MYO1D: variants seen among roughly 807,000 people sequenced by gnomAD.
MYO1D encodes unconventional myosin-Id.
In MYO1D, 83 loss-of-function variants were observed where a neutral mutation model predicts 122.0. The ratio of observed to expected loss-of-function variants is 0.68; its 90% CI spans 0.57 to 0.82. The LOEUF is 0.82. Ranked by LOEUF, MYO1D falls within the 40% of genes least tolerant of loss-of-function variation. MYO1D has a pLI of 0.00. For missense variants in MYO1D, 1,157 were observed against 1,269.5 expected (o/e 0.91, Z 1.35); for synonymous variants, 464 against 446.9 (o/e 1.04, Z -0.48).
At chr17:32,623,529 T>C (rs552088632) in intron 20 of MYO1D, among the ~76,000 whole-genome samples, 34 of 152,338 alleles carry the variant, frequency 2.2e-4, no homozygotes, top group Middle Eastern at 6.8e-3. Flanking sequence ...GATTTCTTTA[T>C]CTTATACTAC....
At chr17:32,669,735 A>G (rs150218851) in intron 16 of MYO1D, among the ~76,000 whole-genome samples, 1 of 152,336 alleles carries the variant, frequency 6.6e-6, no homozygotes, top group Non-Finnish European at 1.5e-5. Flanking sequence ...CAAATAAGAT[A>G]AAGAGTAATT....
chr17:32,762,674 G>A (rs1482690508), intron 8 of MYO1D, among the ~76,000 whole-genome samples: 1 of 152,094 alleles, frequency 6.6e-6, no homozygotes, highest in Non-Finnish European at 1.5e-5. Flanking sequence ...AGGAGTTTGA[G>A]ACCAGCCTGG....
intron 1 of MYO1D, among the ~76,000 whole-genome samples, chr17:32,853,540 A>G (rs1265412599): frequency 6.6e-6 from 1 of 152,194 alleles, no homozygotes; most frequent in Non-Finnish European, 1.5e-5. Context: ...GGGGCATGCC[A>G]TCCATATCTC....
At chr17:32,718,217 G>A (rs1431104390) in intron 15 of MYO1D, among the ~76,000 whole-genome samples, 3 of 152,060 alleles carry the variant, frequency 2.0e-5, no homozygotes, top group Non-Finnish European at 2.9e-5. Flanking sequence ...TCTGACAAAC[G>A]TGTATACTCA....
chr17:32,754,654 G>A (rs530591190), intron 11 of MYO1D, among the ~76,000 whole-genome samples: 2 of 152,324 alleles, frequency 1.3e-5, no homozygotes, highest in South Asian at 2.1e-4. Flanking sequence ...ATGGAACTCT[G>A]GAGAGGCAGA....
In MYO1D at chr17:32,637,611, C is replaced by T. The variant is rs571502124; in HGVS notation, c.2709+1111G>A. ...ACCTGAACCTAGGAGGTGGAGGTTG[C>T]GGTGACCTGATATCGTGCCACTGCA... is the stretch of plus-strand genomic sequence containing the variant. On this transcript the variant is annotated intron_variant, in intron 20 of 21. Coordinates refer to ENST00000318217, the MANE Select transcript of MYO1D (RefSeq NM_015194.3). 2.6e-5 allele frequency among the ~76,000 whole-genome samples: 4 copies of T among 152,222 alleles called. No individual in the cohort carries two copies. The East Asian group carries it at 5.8e-4, about 22-fold the overall frequency.
At chr17:32,872,057 C>T (rs1054461620) in intron 1 of MYO1D, among the ~76,000 whole-genome samples, 3 of 152,222 alleles carry the variant, frequency 2.0e-5, no homozygotes, top group African/African-American at 4.8e-5. Flanking sequence ...AGAGGTCTTA[C>T]GCCTGAGCAG....
At chr17:32,655,430 T>C (rs1186975785) in intron 17 of MYO1D, among the ~76,000 whole-genome samples, 1 of 151,976 alleles carries the variant, frequency 6.6e-6, no homozygotes, top group African/African-American at 2.4e-5. Flanking sequence ...GTGTGGAAGA[T>C]GGAAGGAATG....
intron 21 of MYO1D, among the ~76,000 whole-genome samples, chr17:32,533,495 A>G (rs1910572576): frequency 6.6e-6 from 1 of 152,132 alleles, no homozygotes; most frequent in South Asian, 2.1e-4. Flanking sequence ...GCTGCCTGCC[A>G]CCCACTCTTC....
At chr17:32,793,719 A>T (rs971780934) in intron 1 of MYO1D, among the ~76,000 whole-genome samples, 5 of 152,240 alleles carry the variant, frequency 3.3e-5, no homozygotes, top group Non-Finnish European at 7.3e-5. Context: ...GCCCATCGAT[A>T]GCAGAGGAAA....
intron 16 of MYO1D, among the ~76,000 whole-genome samples, chr17:32,664,098 T>C (rs1242505219): frequency 2.6e-5 from 4 of 152,230 alleles, no homozygotes; most frequent in African/African-American, 9.6e-5. Flanking sequence ...TCCCTTAGGC[T>C]CTATTTTTTA....
chr17:32,787,944 G>C (rs959213467), intron 1 of MYO1D, among the ~76,000 whole-genome samples: 1 of 152,144 alleles, frequency 6.6e-6, no homozygotes, highest in Non-Finnish European at 1.5e-5. Context: ...TTTTATGGCC[G>C]AGTAGTATTC....
At chr17:32,611,241 C>T (rs551037185) in intron 20 of MYO1D, among the ~76,000 whole-genome samples, 10 of 152,202 alleles carry the variant, frequency 6.6e-5, no homozygotes, top group East Asian at 3.9e-4. Flanking sequence ...ACGAAATCAG[C>T]GCAAAACAGA....
At chr17:32,859,844 C>A (rs1230993913) in intron 1 of MYO1D, among the ~76,000 whole-genome samples, 1 of 152,090 alleles carries the variant, frequency 6.6e-6, no homozygotes, top group Non-Finnish European at 1.5e-5. Flanking sequence ...CTATTCTGCC[C>A]CTAAAATTCC....
At chr17:32,770,987 GA>G in intron 6 of MYO1D, 137 bp downstream of exon 6, 2 of 510,216 alleles carry the variant, frequency 3.9e-6, no homozygotes, top group Non-Finnish European at 6.5e-6. Flanking sequence ...CTGTCCTTGA[GA>G]ATTTAAAAAA....
intron 1 of MYO1D, among the ~76,000 whole-genome samples, chr17:32,844,286 T>A (rs1465860909): frequency 6.8e-6 from 1 of 146,666 alleles, no homozygotes; most frequent in African/African-American, 2.5e-5. Context: ...GATATATATA[T>A]CATATGTATA....
In MYO1D at chr17:32,525,970, G is replaced by A. The variant is rs75407048; in HGVS notation, c.2865-31055C>T. On this transcript the variant is annotated intron_variant, in intron 21 of 21. Coordinates refer to ENST00000318217, the MANE Select transcript of MYO1D (RefSeq NM_015194.3). ...TTTGCCACGATGGTTTTGCCTTTAGGCTTTTGCACACGCTATTCCCCACCT... is the reference window on the plus strand; with the variant it reads ...TTTGCCACGATGGTTTTGCCTTTAGACTTTTGCACACGCTATTCCCCACCT... Among the ~76,000 whole-genome samples, 1,780 of 152,162 alleles carry A rather than the reference G, an allele frequency of 0.012. 88 individuals are homozygous for A. In the East Asian group the frequency reaches 0.13, roughly 11 times the overall value.
intron 1 of MYO1D, among the ~76,000 whole-genome samples, chr17:32,790,440 C>T (rs935317086): frequency 6.6e-6 from 1 of 152,124 alleles, no homozygotes; most frequent in Non-Finnish European, 1.5e-5. Flanking sequence ...TTTCTCTATC[C>T]CCCATCATTC....
intron 16 of MYO1D, among the ~76,000 whole-genome samples, chr17:32,691,404 CTTTTTTTT>C (rs57902806): frequency 9.1e-6 from 1 of 110,464 alleles, no homozygotes; most frequent in African/African-American, 3.6e-5. Context: ...AAAGAAAATT[CTTTTTTTT>C]TTTTTTTTTT....
Sources: gnomAD v4.1 joint callset for allele counts (sites outside exome capture counted in the v4.1 genomes callset) on GRCh38, gnomAD v4.1.1 for gene constraint, MANE v1.5 for transcripts, NCBI Gene and HGNC (gene_info 2026-07-23, HGNC 2026-07-21) for gene names.